The following WDR72 variants were observed in gnomAD, a reference collection of about 807,000 sequenced individuals.
The protein encoded by WDR72 is WD repeat domain 72, also known as WD repeat-containing protein 72.
Under a neutral mutation model 124.2 loss-of-function variants are expected in WDR72, and 120 were observed. The ratio of observed to expected loss-of-function variants is 0.97; its 90% CI spans 0.83 to 1.12. WDR72 has a LOEUF of 1.12. WDR72 is among the 50% of genes most tolerant of loss of function. The pLI, the probability that WDR72 is intolerant of heterozygous loss-of-function variation, is 0.00. For missense variants in WDR72, 1,387 were observed against 1,278.8 expected (o/e 1.08, Z -1.29); for synonymous variants, 452 against 441.7 (o/e 1.02, Z -0.29).
chr15:53,552,662 G>T (rs1893782852), intron 18 of WDR72, among the ~76,000 whole-genome samples: 1 of 152,102 alleles, frequency 6.6e-6, no homozygotes, highest in South Asian at 2.1e-4. Flanking sequence ...AGAAAATAAT[G>T]AAGTGGCTTA....
intron 15 of WDR72, among the ~76,000 whole-genome samples, chr15:53,614,759 C>T (rs1031095567): frequency 2.6e-5 from 4 of 151,946 alleles, no homozygotes; most frequent in Non-Finnish European, 5.9e-5. Context: ...CAATCACCTA[C>T]ACCACCCACC....
At chr15:53,748,727 A>T (rs1379627370) in intron 1 of WDR72, among the ~76,000 whole-genome samples, 1 of 152,132 alleles carries the variant, frequency 6.6e-6, no homozygotes, top group African/African-American at 2.4e-5. Flanking sequence ...TATTTTTAAG[A>T]TTATTTTCTT....
intron 16 of WDR72, among the ~76,000 whole-genome samples, chr15:53,610,677 G>C (rs879897354): frequency 2.6e-5 from 4 of 151,856 alleles, no homozygotes; most frequent in African/African-American, 4.8e-5. Flanking sequence ...TAATACATAA[G>C]AAACTTCTGA....
chr15:53,557,653 C>A (rs1370997466), intron 18 of WDR72, among the ~76,000 whole-genome samples: 1 of 151,914 alleles, frequency 6.6e-6, no homozygotes, highest in Non-Finnish European at 1.5e-5. Flanking sequence ...CAAGAGAGAT[C>A]AGCCCGTGAG....
intron 13 of WDR72, chr15:53,684,515 G>A (rs953945909): frequency 3.1e-5 from 5 of 162,016 alleles, no homozygotes; most frequent in African/African-American, 7.2e-5. Flanking sequence ...CTTAAAAAGC[G>A]GCGCACCACG....
chr15:53,721,949 C>T (rs919939946), intron 3 of WDR72, among the ~76,000 whole-genome samples: 3 of 152,164 alleles, frequency 2.0e-5, no homozygotes, highest in African/African-American at 7.2e-5. Context: ...AAATCACTGG[C>T]TATGTTCCTT....
intron 1 of WDR72, among the ~76,000 whole-genome samples, chr15:53,754,433 G>C (rs566553994): frequency 8.0e-4 from 122 of 152,122 alleles, no homozygotes; most frequent in Non-Finnish European, 1.1e-3. Context: ...GTGGCACTAT[G>C]GCACTTTCTA....
rs1207472645 is a variant in WDR72 at position 53,611,011 on chromosome 15, A to G, written c.2873-1419T>C. On this transcript the variant is annotated intron_variant, in intron 16 of 19. Transcript: ENST00000360509. ...ATGTGATAGAAATGAGAGCCAACTT[A>G]TCTTGGCAATGTCAGTGAGTTAAAG... Among the ~76,000 whole-genome samples the G allele has an allele frequency of 5.3e-5, 8 of 152,272 alleles. No individual in the cohort carries two copies. The East Asian group carries it at 1.5e-3, about 29-fold the overall frequency.
At chr15:53,704,739 A>G (rs1329697482) in intron 11 of WDR72, among the ~76,000 whole-genome samples, 1 of 127,580 alleles carries the variant, frequency 7.8e-6, no homozygotes, top group East Asian at 2.2e-4. Flanking sequence ...TCACCGTGTT[A>G]GCCAGGATGG....
intron 13 of WDR72, among the ~76,000 whole-genome samples, chr15:53,683,835 A>G (rs1004330932): frequency 1.9e-4 from 29 of 152,108 alleles, no homozygotes; most frequent in Non-Finnish European, 4.1e-4. Context: ...CCTGGCAAAT[A>G]AAATAGCAGA....
At chr15:53,591,519 A>G (rs1297371938) in intron 18 of WDR72, among the ~76,000 whole-genome samples, 1 of 152,124 alleles carries the variant, frequency 6.6e-6, no homozygotes, top group Non-Finnish European at 1.5e-5. Flanking sequence ...AAAGTAACAA[A>G]GAGGAGCTCT....
At chr15:53,632,690 G>C (rs1359665442) in intron 14 of WDR72, among the ~76,000 whole-genome samples, 2 of 152,234 alleles carry the variant, frequency 1.3e-5, no homozygotes, top group African/African-American at 4.8e-5. Flanking sequence ...AGCGGCCCAT[G>C]GTCTTCAGAG....
At chr15:53,644,864 A>G (rs1341537802) in intron 14 of WDR72, among the ~76,000 whole-genome samples, 3 of 152,056 alleles carry the variant, frequency 2.0e-5, no homozygotes. Context: ...TAGAGACAAC[A>G]TTACCAAGCT....
intron 18 of WDR72, among the ~76,000 whole-genome samples, chr15:53,573,011 G>A (rs1181556527): frequency 2.6e-5 from 4 of 152,196 alleles, no homozygotes; most frequent in African/African-American, 9.6e-5. Context: ...GTTGGGTTGG[G>A]AGGAGGTAGA....
intron 2 of WDR72, among the ~76,000 whole-genome samples, chr15:53,731,949 C>G (rs1348497474): frequency 1.3e-5 from 2 of 152,168 alleles, no homozygotes; most frequent in Admixed American, 1.3e-4. Flanking sequence ...TATTACACAA[C>G]TATTCTAGCC....
chr15:53,753,197 A>G (rs900939748), intron 1 of WDR72, among the ~76,000 whole-genome samples: 2 of 152,184 alleles, frequency 1.3e-5, no homozygotes, highest in East Asian at 3.8e-4. Flanking sequence ...TTTCAGCACA[A>G]GTTGACATTG....
At chr15:53,697,548 G>A (rs2017041143) in intron 13 of WDR72, among the ~76,000 whole-genome samples, 1 of 152,018 alleles carries the variant, frequency 6.6e-6, no homozygotes, top group Admixed American at 6.6e-5. Flanking sequence ...CCTAGAGGTG[G>A]CCAGAGCTTC....
intron 14 of WDR72, among the ~76,000 whole-genome samples, chr15:53,655,164 G>A (rs690588): frequency 2.1e-5 from 3 of 142,096 alleles, no homozygotes; most frequent in Non-Finnish European, 4.5e-5. Context: ...CTGGGACGCA[G>A]AGGCTGCAAT....
In WDR72 at chr15:53,705,982, A is replaced by T. The variant is rs1327360359; in HGVS notation, c.1047T>A (p.Ile349=). 19 of 1,613,994 alleles carry T rather than the reference A, an allele frequency of 1.2e-5. No homozygotes were observed. The highest frequency in any genetic ancestry group is 1.5e-5 in the Non-Finnish European group (18 of 1,180,020). ...VLFSGEVSGR[I]TLWHIPDVPV... ...GAACATCAGGGATGTGCCACAAAGT[A>T]ATTCTTCCTGAGACTTCTCCAGAGA... Residue 349 remains isoleucine (I), a synonymous_variant, in exon 10 of 20, where the codon ATT becomes ATA. Coordinates refer to ENST00000360509, the MANE Select transcript of WDR72 (RefSeq NM_182758.4).
Sources: allele counts gnomAD v4.1 joint callset (sites outside exome capture counted in the v4.1 genomes callset), GRCh38; gene constraint gnomAD v4.1.1; transcripts MANE v1.5; gene names NCBI Gene and HGNC (gene_info 2026-07-23, HGNC 2026-07-21).